CROCC: variants seen among roughly 807,000 people sequenced by gnomAD.
CROCC encodes the protein rootletin.
In CROCC, 180 loss-of-function variants were observed where a neutral mutation model predicts 245.2. The ratio of observed to expected loss-of-function variants is 0.73; its 90% CI spans 0.65 to 0.83. CROCC has a LOEUF of 0.83. Among genes scored for constraint, CROCC ranks in the 40% least tolerant of loss-of-function variants. The pLI is 0.00. For synonymous variants in CROCC, 1,205 were observed against 1,241.6 expected, an observed-to-expected ratio of 0.97 and a Z score of 0.62; for missense variants, 2,688 against 2,779.4, an observed-to-expected ratio of 0.97 and a Z score of 0.74.
At position 16,961,079 on chromosome 1, in the gene CROCC, C is replaced by T; in HGVS notation, c.4354C>T (p.Pro1452Ser). The T allele has an allele frequency of 1.5e-6, 2 of 1,363,398 alleles. No homozygotes were observed. Among genetic ancestry groups the T allele is most frequent in the Non-Finnish European group, 1.9e-6 (2 of 1,061,728 alleles). 84.5% of individuals were successfully genotyped at this position (1,363,398 alleles called of 1,614,324 possible). The change falls in exon 27 of 37, where the codon CCA becomes TCA. Residue 1452 changes from proline to serine, a missense_variant. Transcript: ENST00000375541. ...RGLGLGRAPS[P>S]APRPVPGSPA... is the part of the protein sequence containing the mutation. Reference sequence around the variant, plus strand: ...CCTCGGCCTCGGTCGCGCGCCCAGCCCAGCCCCGCGGCCAGTGCCCGGTTC... The same window carrying T: ...CCTCGGCCTCGGTCGCGCGCCCAGCTCAGCCCCGCGGCCAGTGCCCGGTTC...
chr1:16,946,435 C>G, intron 16 of CROCC, 30 bp downstream of exon 16: 1 of 1,601,224 alleles, frequency 6.2e-7, no homozygotes, highest in Non-Finnish European at 8.5e-7. Context: ...GCCCACCTGC[C>G]TTGCCCACCC....
intron 3 of CROCC, among the ~76,000 whole-genome samples, chr1:16,926,495 G>A (rs2075537719): frequency 6.6e-6 from 1 of 152,280 alleles, no homozygotes; most frequent in Non-Finnish European, 1.5e-5. Context: ...GGGTTGGTGG[G>A]CAGTCAGCGA....
In CROCC at chr1:16,970,334, G is replaced by A. The variant is rs989222377; in HGVS notation, c.5533G>A (p.Glu1845Lys). The change falls in exon 34 of 37, where the codon GAG becomes AAG. Residue 1845 changes from glutamate (E) to lysine (K), a missense_variant. By Grantham distance (56) the Glu-to-Lys change is moderately conservative. This residue lies in a region of CROCC where 1,218 missense variants were observed against 1,286.3 expected (regional missense o/e 0.95). Coordinates refer to ENST00000375541, the MANE Select transcript of CROCC (RefSeq NM_014675.5). ...KLQDERRLLQERLGSLQRALA... is the reference protein window; with the variant it reads ...KLQDERRLLQKRLGSLQRALA... ...GCAAGACGAGCGGCGGCTGCTGCAGGAGCGCCTGGGAAGCCTGCAGCGCGC... is the reference window on the plus strand; with the variant it reads ...GCAAGACGAGCGGCGGCTGCTGCAGAAGCGCCTGGGAAGCCTGCAGCGCGC... The A allele has an allele frequency of 5.7e-6, 9 of 1,588,142 alleles. No individual in the cohort carries two copies. The highest frequency in any genetic ancestry group is 5.3e-5 in the Admixed American group (3 of 56,190).
chr1:16,930,863 G>A (rs1289969646), intron 7 of CROCC, among the ~76,000 whole-genome samples: 7 of 152,278 alleles, frequency 4.6e-5, no homozygotes, highest in Non-Finnish European at 5.9e-5. Flanking sequence ...AAGGCCGGTC[G>A]CAGTGGCTCA....
Position 16,939,099 on chromosome 1 carries a change from C to T in CROCC, c.1565C>T (p.Ala522Val), listed in dbSNP as rs1220221533. The change falls in exon 12 of 37, where the codon GCC becomes GTC. Residue 522 changes from alanine to valine, a missense_variant. This residue lies in a region of CROCC where 972 missense variants were observed against 895.3 expected (regional missense o/e 1.09). Transcript: ENST00000375541. Reference protein sequence around the residue: ...SPACSDSSTLALIHSALHKRQ... With the variant: ...SPACSDSSTLVLIHSALHKRQ... The stretch of plus-strand genomic sequence containing the variant: ...GCCTGCTCAGACTCCTCCACGCTCG[C>T]CCTGATCCACTCCGCCCTGCACAAG... The T allele has an allele frequency of 1.4e-5, 22 of 1,574,280 alleles. No homozygotes were observed. The highest frequency in any genetic ancestry group is 9.4e-5 in the South Asian group (8 of 85,348).
At chr1:16,947,791 G>T (rs2076082740) in intron 17 of CROCC, among the ~76,000 whole-genome samples, 1 of 152,226 alleles carries the variant, frequency 6.6e-6, no homozygotes, top group Non-Finnish European at 1.5e-5. Context: ...GTTACTCCCA[G>T]AGCTGAGTGA....
Position 16,955,563 on chromosome 1 carries a change from A to G in CROCC, c.3704+13A>G, listed in dbSNP as rs758875694. On this transcript the variant is annotated intron_variant, in intron 24 of 36. Transcript: ENST00000375541. Reference sequence around the variant, plus strand: ...GCGAGCGCATCAGGTGGGGTGTCGCAGGAGGACCAGTCCTGAGTCCTCATG... The same window carrying G: ...GCGAGCGCATCAGGTGGGGTGTCGCGGGAGGACCAGTCCTGAGTCCTCATG... 13 of 1,513,146 alleles carry G rather than the reference A, an allele frequency of 8.6e-6. No individual in the cohort carries two copies. The highest frequency in any genetic ancestry group is 8.2e-5 in the African/African-American group (6 of 72,780). The allele number at this position is 1,513,146 out of a possible 1,614,324, so 93.7% of individuals were successfully genotyped here.
intron 8 of CROCC, among the ~76,000 whole-genome samples, chr1:16,935,947 A>G (rs1346590335): frequency 3.9e-5 from 6 of 152,238 alleles, no homozygotes; most frequent in Admixed American, 2.0e-4. Flanking sequence ...CTATGCATGC[A>G]TAGTTTTCAG....
At chr1:16,943,041 G>A (rs1177764493) in intron 13 of CROCC, among the ~76,000 whole-genome samples, 1 of 152,212 alleles carries the variant, frequency 6.6e-6, no homozygotes, top group African/African-American at 2.4e-5. Flanking sequence ...TCGGGAGTTC[G>A]AGACCAGCCT....
intron 27 of CROCC, among the ~76,000 whole-genome samples, chr1:16,963,636 T>C (rs1265397066): frequency 1.3e-5 from 2 of 152,030 alleles, no homozygotes; most frequent in Admixed American, 1.3e-4. Context: ...TGTCCTGCAG[T>C]TCCAGTGCCA....
intron 3 of CROCC, among the ~76,000 whole-genome samples, chr1:16,927,026 C>T (rs2075549221): frequency 6.6e-6 from 1 of 152,250 alleles, no homozygotes. Context: ...GGCCTGAACC[C>T]CTCTGTGTCC....
At chr1:16,934,892 C>CTTTTTTTTTTT (rs556637657) in intron 8 of CROCC, among the ~76,000 whole-genome samples, 6 of 128,492 alleles carry the variant, frequency 4.7e-5, no homozygotes, top group Non-Finnish European at 6.5e-5. Flanking sequence ...TCAGCAGTTT[C>CTTTTTTTTTTT]TTTTTTTTTT....
chr1:16,923,556 C>T (rs1232522220), intron 2 of CROCC, among the ~76,000 whole-genome samples: 8 of 152,262 alleles, frequency 5.3e-5, no homozygotes, highest in African/African-American at 1.7e-4. Flanking sequence ...TCTCCTTCTC[C>T]TCACAACCTG....
In CROCC at chr1:16,939,033, C is replaced by T. The variant is rs780616542; in HGVS notation, c.1499C>T (p.Ser500Leu). ...QRTPSPPRRS[S>L]PGRGRSPRRG... ...ACCCCGTCCCCACCGCGGCGCTCCT[C>T]GCCCGGCCGAGGCCGTTCACCCCGC... The change falls in exon 12 of 37, where the codon TCG (serine) becomes TTG (leucine). Residue 500 changes from serine (S) to leucine (L), a missense_variant. By Grantham distance (145) the Ser-to-Leu change is moderately radical. Around this residue, in one of 9 missense-constraint regions of CROCC, gnomAD observed 972 missense variants for 895.3 expected, o/e 1.09. Transcript: ENST00000375541. 3.1e-6 allele frequency: 5 copies of T among 1,595,098 alleles called. No individual in the cohort carries two copies. The Admixed American group carries it at 5.3e-5, about 17-fold the overall frequency.
intron 14 of CROCC, among the ~76,000 whole-genome samples, chr1:16,944,521 AT>A (rs537735455): frequency 3.1e-3 from 468 of 151,774 alleles, no homozygotes; most frequent in Non-Finnish European, 5.0e-3. Flanking sequence ...AATAACAAGA[AT>A]AATTAAAATA....
At chr1:16,915,742 C>T (rs928229927) in intron 1 of CROCC, among the ~76,000 whole-genome samples, 64 of 152,310 alleles carry the variant, frequency 4.2e-4, no homozygotes, top group African/African-American at 1.5e-3. Flanking sequence ...GTAGCTCCCT[C>T]AGAAAGTGAT....
At chr1:16,920,503 T>G (rs1315015965), upstream of CROCC, among the ~76,000 whole-genome samples, 5 of 152,274 alleles carry the variant, frequency 3.3e-5, no homozygotes, top group African/African-American at 1.2e-4. Context: ...TGGTTTAGTC[T>G]CCTTTTAGAG....
At chr1:16,968,532 A>G in intron 31 of CROCC, 114 bp downstream of exon 31, 15 of 1,078,610 alleles carry the variant, frequency 1.4e-5, no homozygotes, top group Non-Finnish European at 1.8e-5. Flanking sequence ...CCACATCCCC[A>G]TTTCACAGAT....
At chr1:16,963,746 T>G (rs372950933) in intron 27 of CROCC, among the ~76,000 whole-genome samples, 8 of 151,838 alleles carry the variant, frequency 5.3e-5, no homozygotes, top group African/African-American at 1.9e-4. Flanking sequence ...GCTGCCTGGA[T>G]TCCCATCTCA....
Sources: gnomAD v4.1 joint callset for allele counts (sites outside exome capture counted in the v4.1 genomes callset) on GRCh38, gnomAD v4.1.1 for gene constraint, gnomAD v4.1.1 regional missense constraint, MANE v1.5 for transcripts, NCBI Gene and HGNC (gene_info 2026-07-23, HGNC 2026-07-21) for gene names.